PUM2: variants seen among roughly 807,000 people sequenced by gnomAD.
The protein encoded by PUM2 is pumilio homolog 2.
Under a neutral mutation model 124.5 loss-of-function variants are expected in PUM2, and 57 were observed. That is an observed-to-expected ratio of 0.46 (90% CI 0.37 to 0.57). PUM2 has a LOEUF of 0.57. Ranked by LOEUF, PUM2 falls within the 20% of genes least tolerant of loss-of-function variation. PUM2 has a pLI of 0.00. For synonymous variants in PUM2, 460 were observed against 446.1 expected (o/e 1.03, Z -0.39); for missense variants, 1,065 against 1,290.6 (o/e 0.83, Z 2.68).
rs79811772 is a variant in PUM2 at position 20,258,009 on chromosome 2, T to G, written c.2484+234A>C. On this transcript the variant is annotated intron_variant, in intron 16 of 20. Transcript: ENST00000361078. ...AGTAAGCAAGTAGTAATAAAAACAC[T>G]CATCATTTAACATTCTGCTTGCCAC... 4.2e-4 allele frequency among the ~76,000 whole-genome samples: 64 copies of G among 152,222 alleles called. 2 individuals are homozygous for G. The East Asian group carries it at 0.01, about 24-fold the overall frequency.
At chr2:20,315,555 TG>T (rs1680685995) in intron 3 of PUM2, among the ~76,000 whole-genome samples, 1 of 151,860 alleles carries the variant, frequency 6.6e-6, no homozygotes, top group African/African-American at 2.4e-5. Context: ...GGGAGATGAG[TG>T]GTACAAAAAA....
chr2:20,332,225 T>G (rs1685058661), intron 1 of PUM2, among the ~76,000 whole-genome samples: 1 of 151,916 alleles, frequency 6.6e-6, no homozygotes. Flanking sequence ...CAAATATGAG[T>G]ATACTGAAAG....
chr2:20,339,067 ATTAG>A (rs1366963503), intron 1 of PUM2, among the ~76,000 whole-genome samples: 1 of 152,200 alleles, frequency 6.6e-6, no homozygotes, highest in Non-Finnish European at 1.5e-5. Context: ...TATTTAATAA[ATTAG>A]TTAATAATAT....
chr2:20,351,775 T>C (rs1200708235), upstream of PUM2, among the ~76,000 whole-genome samples: 1 of 152,184 alleles, frequency 6.6e-6, no homozygotes, highest in Non-Finnish European at 1.5e-5. Context: ...ATTCAGGGCC[T>C]CCCGTATAGT....
chr2:20,287,581 T>C (rs950368867), intron 10 of PUM2, among the ~76,000 whole-genome samples: 2 of 152,136 alleles, frequency 1.3e-5, no homozygotes, highest in Non-Finnish European at 2.9e-5. Flanking sequence ...TATGGTCTAG[T>C]GCATTAAAGC....
intron 7 of PUM2, among the ~76,000 whole-genome samples, chr2:20,304,109 C>A (rs138350671): frequency 6.6e-6 from 1 of 152,294 alleles, no homozygotes; most frequent in East Asian, 1.9e-4. Flanking sequence ...GGTCAAATCT[C>A]CAAACCAGGT....
intron 13 of PUM2, among the ~76,000 whole-genome samples, chr2:20,270,381 C>A (rs1668744462): frequency 6.6e-6 from 1 of 152,158 alleles, no homozygotes; most frequent in Non-Finnish European, 1.5e-5. Flanking sequence ...TTCTCTTAAA[C>A]CATGATTACT....
At position 20,258,312 on chromosome 2, in the gene PUM2, G is replaced by T; in HGVS notation, c.2415C>A (p.Pro805=). ...LATRIRGHVL[P]LALQMYGCRV... ...GGCAGCCATACATCTGCAAGGCTAA[G>T]GGTAGAACATGACCACGAATACGAG... The change falls in exon 16 of 21, where the codon CCC becomes CCA. Residue 805 remains proline, a synonymous_variant. Transcript: ENST00000361078. The T allele has an allele frequency of 6.2e-7, 1 of 1,612,530 alleles. No homozygotes were observed. The highest frequency in any genetic ancestry group is 8.5e-7 in the Non-Finnish European group (1 of 1,178,878).
rs767341833 is a variant in PUM2 at position 20,278,626 on chromosome 2, C to T, written c.1914G>A (p.Pro638=). ...AGGATCCATGTGATGAAAGTGATGG[C>T]GGTGGCGTAAGTGAATGTCCTGGAG... ...SQTPGHSLTP[P]PSLSSHGSSS... The change falls in exon 13 of 21, where the codon CCG becomes CCA. Residue 638 remains proline (P), a synonymous_variant. Transcript: ENST00000361078. 5.6e-6 allele frequency: 9 copies of T among 1,612,950 alleles called. No homozygotes were observed. The highest frequency in any genetic ancestry group is 1.3e-5 in the African/African-American group (1 of 74,812).
intron 10 of PUM2, among the ~76,000 whole-genome samples, chr2:20,287,001 AC>A (rs1672897380): frequency 1.3e-5 from 2 of 152,162 alleles, no homozygotes; most frequent in Admixed American, 6.5e-5. Flanking sequence ...GGAAAAAAAA[AC>A]GACGTAGGGA....
At chr2:20,268,355 T>G (rs995716116) in intron 13 of PUM2, among the ~76,000 whole-genome samples, 1 of 152,316 alleles carries the variant, frequency 6.6e-6, no homozygotes, top group African/African-American at 2.4e-5. Context: ...CTCAGGCCTG[T>G]AATCCCAGCA....
intron 1 of PUM2, 105 bp from the exon 2 acceptor site, chr2:20,327,483 G>C (rs1683954480): frequency 1.4e-6 from 1 of 693,188 alleles, no homozygotes; most frequent in African/African-American, 1.8e-5. Flanking sequence ...AGCATGATCT[G>C]AGAAAGGGAA....
intron 10 of PUM2, among the ~76,000 whole-genome samples, 190 bp from the exon 11 acceptor site, chr2:20,283,676 T>A (rs1007319733): frequency 4.6e-5 from 7 of 152,162 alleles, no homozygotes; most frequent in Non-Finnish European, 1.0e-4. Context: ...AGTAATAGAC[T>A]GTCATTAAAC....
intron 13 of PUM2, among the ~76,000 whole-genome samples, chr2:20,267,917 C>T (rs1668082667): frequency 6.6e-6 from 1 of 152,140 alleles, no homozygotes; most frequent in Admixed American, 6.5e-5. Context: ...AGTAGTTTAG[C>T]CTTATGTAAA....
chr2:20,267,328 T>C (rs1167530884), intron 13 of PUM2, among the ~76,000 whole-genome samples: 1 of 152,058 alleles, frequency 6.6e-6, no homozygotes, highest in Admixed American at 6.6e-5. Flanking sequence ...GCTGGCCCAC[T>C]TGCAACTTCC....
At chr2:20,333,402 T>G (rs1572978946) in intron 1 of PUM2, among the ~76,000 whole-genome samples, 1 of 151,952 alleles carries the variant, frequency 6.6e-6, no homozygotes, top group Admixed American at 6.6e-5. Context: ...GGCATTATGG[T>G]GCACACCTGT....
intron 2 of PUM2, among the ~76,000 whole-genome samples, chr2:20,323,447 CAAA>C (rs1158061957): frequency 8.3e-5 from 7 of 84,848 alleles, no homozygotes; most frequent in Admixed American, 1.3e-4. Context: ...GACTCCATCT[CAAA>C]AAAAAAAAAA....
intron 7 of PUM2, among the ~76,000 whole-genome samples, chr2:20,299,962 T>C (rs1676558618): frequency 6.6e-6 from 1 of 152,148 alleles, no homozygotes; most frequent in African/African-American, 2.4e-5. Flanking sequence ...AATGCTTGGG[T>C]TGTGATAAGA....
At chr2:20,319,361 T>C (rs1681758430) in intron 2 of PUM2, among the ~76,000 whole-genome samples, 1 of 152,244 alleles carries the variant, frequency 6.6e-6, no homozygotes, top group East Asian at 1.9e-4. Context: ...TGGATATGTT[T>C]GTTTGAGAAG....
Sources: allele counts gnomAD v4.1 joint callset (sites outside exome capture counted in the v4.1 genomes callset), GRCh38; gene constraint gnomAD v4.1.1; transcripts MANE v1.5; gene names NCBI Gene and HGNC (gene_info 2026-07-23, HGNC 2026-07-21).